The following TRHDE variants were observed in gnomAD, a reference collection of about 807,000 sequenced individuals.
TRHDE encodes the protein thyrotropin-releasing hormone-degrading ectoenzyme.
TRHDE carries 72 observed loss-of-function variants against 125.7 expected under a neutral mutation model. The ratio of observed to expected loss-of-function variants is 0.57; its 90% CI spans 0.47 to 0.70. The LOEUF is 0.70. Ranked by LOEUF, TRHDE falls within the 30% of genes least tolerant of loss-of-function variation. The pLI, the probability that TRHDE is intolerant of heterozygous loss-of-function variation, is 0.00. For synonymous variants in TRHDE, 509 were observed against 509.1 expected (o/e 1.00, Z 0.00); for missense variants, 1,110 against 1,327.1 (o/e 0.84, Z 2.54).
At chr12:72,117,181 T>C (rs1030857658) in intron 2 of TRHDE, among the ~76,000 whole-genome samples, 2 of 152,146 alleles carry the variant, frequency 1.3e-5, no homozygotes, top group Admixed American at 1.3e-4. Context: ...GTTTCTCTAG[T>C]GTTTTCTTTT....
intron 3 of TRHDE, among the ~76,000 whole-genome samples, chr12:72,456,155 A>G (rs1055594845): frequency 3.4e-4 from 51 of 150,708 alleles, no homozygotes; most frequent in African/African-American, 1.2e-3. Context: ...ACACACACAC[A>G]CACACACACA....
intron 2 of TRHDE, among the ~76,000 whole-genome samples, chr12:72,151,121 G>GT (rs1212797923): frequency 4.6e-5 from 7 of 152,164 alleles, no homozygotes; most frequent in African/African-American, 1.7e-4. Flanking sequence ...TCTCATTGTG[G>GT]TTTTGATTTG....
At chr12:72,409,991 C>T (rs745694281) in intron 3 of TRHDE, among the ~76,000 whole-genome samples, 14 of 151,364 alleles carry the variant, frequency 9.2e-5, no homozygotes, top group Non-Finnish European at 1.8e-4. Flanking sequence ...GCCAAAAAGT[C>T]GATTTTCTAA....
chr12:72,429,751 G>A (rs1464353096), intron 3 of TRHDE, among the ~76,000 whole-genome samples: 1 of 151,984 alleles, frequency 6.6e-6, no homozygotes, highest in African/African-American at 2.4e-5. Flanking sequence ...ATCATAGTTT[G>A]ATTGGCATCC....
intron 2 of TRHDE, among the ~76,000 whole-genome samples, chr12:72,178,198 C>T (rs1473703147): frequency 6.6e-6 from 1 of 152,002 alleles, no homozygotes; most frequent in Non-Finnish European, 1.5e-5. Flanking sequence ...TTTACTTTGA[C>T]TTAGTTTGGT....
chr12:72,352,009 G>C (rs1340663116), intron 2 of TRHDE, among the ~76,000 whole-genome samples: 1 of 151,836 alleles, frequency 6.6e-6, no homozygotes, highest in Non-Finnish European at 1.5e-5. Flanking sequence ...GACTAGGTCA[G>C]ATTATTTTAG....
intron 3 of TRHDE, among the ~76,000 whole-genome samples, chr12:72,451,574 G>GT (rs149110838): frequency 1.4e-5 from 2 of 147,806 alleles, no homozygotes; most frequent in South Asian, 4.2e-4. Flanking sequence ...CTCTGGCTTT[G>GT]TTTTTTGTTG....
chr12:72,153,216 T>C (rs1428800387), intron 2 of TRHDE, among the ~76,000 whole-genome samples: 2 of 152,208 alleles, frequency 1.3e-5, no homozygotes, highest in Non-Finnish European at 2.9e-5. Context: ...GATGGTAGTT[T>C]GTATTTCTGT....
intron 13 of TRHDE, 43 bp downstream of exon 13, chr12:72,619,081 C>A: frequency 7.2e-7 from 1 of 1,381,416 alleles, no homozygotes; most frequent in Non-Finnish European, 9.6e-7. Flanking sequence ...AGAAGATACA[C>A]TATTTTATTC....
At chr12:72,465,257 G>C (rs983513822) in intron 3 of TRHDE, among the ~76,000 whole-genome samples, 1 of 151,652 alleles carries the variant, frequency 6.6e-6, no homozygotes, top group African/African-American at 2.4e-5. Flanking sequence ...ACAGTAAGCT[G>C]TCCATATTTA....
At chr12:72,309,759 A>C (rs566215926) in intron 2 of TRHDE, 1 of 151,606 alleles carries the variant, frequency 6.6e-6, no homozygotes, top group African/African-American at 2.4e-5. Flanking sequence ...GAGTTTTTTG[A>C]TACTGCAGAG....
At position 72,273,198 on chromosome 12, in the gene TRHDE, C is replaced by G; in HGVS notation, c.555C>G (p.Arg185=). Residue 185 remains arginine, a synonymous_variant, in exon 1 of 19, where the codon CGC becomes CGG. Transcript: ENST00000261180. The surrounding 1 kb of genome is among the most constrained non-coding windows in gnomAD (Gnocchi z 5.3). ...CGTGGGAGCCGTGGACGCAGCTGCG[C>G]CTGTCGGGCCACCTGAAGCCGCTGC... ...REPWEPWTQL[R]LSGHLKPLHY... is the part of the protein sequence containing the mutation. 3 of 1,602,772 alleles carry G rather than the reference C, an allele frequency of 1.9e-6. No homozygotes were observed. In the African/African-American group the frequency reaches 4.0e-5, roughly 21 times the overall value.
intron 9 of TRHDE, among the ~76,000 whole-genome samples, chr12:72,564,195 T>A (rs3858591): frequency 0.27 from 40,415 of 151,762 alleles, 8,107 homozygotes; most frequent in African/African-American, 0.54. Flanking sequence ...GACTCATGGA[T>A]TGTGCTAGTA....
At chr12:72,183,691 G>A (rs191034835) in intron 2 of TRHDE, among the ~76,000 whole-genome samples, 2 of 152,198 alleles carry the variant, frequency 1.3e-5, no homozygotes, top group East Asian at 3.9e-4. Context: ...GCAGAGTTTG[G>A]AGTCTAGTCT....
chr12:72,313,438 T>C (rs1013299537), intron 2 of TRHDE, among the ~76,000 whole-genome samples: 3 of 152,154 alleles, frequency 2.0e-5, no homozygotes, highest in Non-Finnish European at 4.4e-5. Flanking sequence ...CGTTCTGTTA[T>C]GCAAATGTGA....
chr12:72,150,761 G>A (rs539097558), intron 2 of TRHDE, among the ~76,000 whole-genome samples: 13 of 152,082 alleles, frequency 8.5e-5, no homozygotes, highest in South Asian at 2.1e-4. Flanking sequence ...GTATTCCATG[G>A]TGTATATGTG....
At chr12:72,579,614 A>G (rs879421243) in intron 12 of TRHDE, among the ~76,000 whole-genome samples, 2 of 152,120 alleles carry the variant, frequency 1.3e-5, no homozygotes, top group Non-Finnish European at 2.9e-5. Flanking sequence ...TTTTTAATAT[A>G]TATGTCAAGG....
chr12:72,612,578 T>C (rs568610071), intron 12 of TRHDE, among the ~76,000 whole-genome samples: 1 of 152,284 alleles, frequency 6.6e-6, no homozygotes, highest in African/African-American at 2.4e-5. Flanking sequence ...CTGTAAACTT[T>C]AGCTTCTTTC....
rs758929054 is a variant in TRHDE, at chr12:72,273,116, G to T, written c.473G>T (p.Gly158Val). 1 of 1,530,198 alleles carries T rather than the reference G, an allele frequency of 6.5e-7. No individual in the cohort carries two copies. Among genetic ancestry groups the T allele is most frequent in the East Asian group, 2.4e-5 (1 of 42,050 alleles). The allele number at this position is 1,530,198 out of a possible 1,614,324, so 94.8% of individuals were successfully genotyped here. ...GGDSWQPEAG[G>V]VASPGTTSAQ... ...GACTCCTGGCAGCCCGAGGCGGGTG[G>T]GGTGGCCAGTCCGGGGACCACGTCG... The change falls in exon 1 of 19, where the codon GGG (glycine) becomes GTG (valine). Residue 158 changes from glycine to valine, a missense_variant. Gly to Val is a moderately radical substitution (Grantham distance 109). This residue lies in a region of TRHDE where 248 missense variants were observed against 240.8 expected (regional missense o/e 1.03). Transcript: ENST00000261180. The surrounding 1 kb of genome is among the most constrained non-coding windows in gnomAD (Gnocchi z 5.3).
Sources: allele counts gnomAD v4.1 joint callset (sites outside exome capture counted in the v4.1 genomes callset), GRCh38; gene constraint gnomAD v4.1.1; regional missense constraint gnomAD v4.1.1; non-coding constraint Gnocchi (gnomAD v3.1); transcripts MANE v1.5; gene names NCBI Gene and HGNC (gene_info 2026-07-23, HGNC 2026-07-21).